Variants in ITGB5 observed in about 807,000 individuals in gnomAD.
ITGB5 encodes the protein integrin subunit beta 5, also known as integrin beta-5.
ITGB5 carries 38 observed loss-of-function variants against 84.8 expected under a neutral mutation model. The observed-to-expected ratio is 0.45, with a 90% CI of 0.35 to 0.59. The LOEUF is 0.59. ITGB5 is among the 20% of genes least tolerant of loss of function. The pLI, the probability that ITGB5 is intolerant of heterozygous loss-of-function variation, is 0.01. For synonymous variants in ITGB5, 393 were observed against 414.4 expected (o/e 0.95, Z 0.63); for missense variants, 905 against 1,034.5 (o/e 0.87, Z 1.72).
rs1442325084 is a variant in ITGB5 at position 124,762,643 on chromosome 3, C to T, written c.*980G>A. 1 of 152,186 alleles carries T rather than the reference C, an allele frequency of 6.6e-6. No homozygotes were observed. The highest frequency in any genetic ancestry group is 6.5e-5 in the Admixed American group (1 of 15,282). 9.4% of individuals were successfully genotyped at this position (152,186 alleles called of 1,614,324 possible). A position where few individuals can be genotyped will look rare whatever the true frequency, so the allele number is the denominator to read the frequency against. Reference sequence around the variant, plus strand: ...AGAGATGACTTCGTGTGGGAACCACCACTCAACCCTTGCTTGTCTGTACAA... The same window carrying T: ...AGAGATGACTTCGTGTGGGAACCACTACTCAACCCTTGCTTGTCTGTACAA... On this transcript the variant is annotated 3_prime_UTR_variant, in exon 15 of 15. Coordinates refer to ENST00000296181, the MANE Select transcript of ITGB5 (RefSeq NM_002213.5).
At position 124,764,469 on chromosome 3, in the gene ITGB5, CCA is replaced by C. The variant is rs755802996; in HGVS notation, c.2224_2225del (p.Trp742GlufsTer25). On this transcript the variant is annotated frameshift_variant, in exon 14 of 15. Transcript: ENST00000296181. LOFTEE classifies it high-confidence loss of function. ...GGTCGTGGATGGTGACAAGCAGCTTCCAGATAGCCAGGAGTGCAAGCCCAACA... is the reference window on the plus strand; with the variant it reads ...GGTCGTGGATGGTGACAAGCAGCTTCGATAGCCAGGAGTGCAAGCCCAACA... ...LLVGLALLAI[W>X]KLLVTIHDRR... 1 of 1,614,082 alleles carries C rather than the reference CCA, an allele frequency of 6.2e-7. No homozygotes were observed. Among genetic ancestry groups the C allele is most frequent in the Non-Finnish European group, 8.5e-7 (1 of 1,180,006 alleles).
chr3:124,781,694 C>G (rs702037), intron 10 of ITGB5, among the ~76,000 whole-genome samples: 117,240 of 152,124 alleles, frequency 0.77, 45,742 homozygotes, highest in African/African-American at 0.89. Flanking sequence ...GGGAGTTATG[C>G]ATTGGAGAAC....
rs115848275 is a variant in ITGB5, at chr3:124,773,423, C to T, written c.1916+267G>A. ...TTAATTTCATTTAACTCTGTGATTT[C>T]GTGATTTCTAAACGTGTTTAGGAAC... On this transcript the variant is annotated intron_variant, in intron 11 of 14. Transcript: ENST00000296181. Among the ~76,000 whole-genome samples the T allele has an allele frequency of 8.3e-3, 1,260 of 152,306 alleles. 13 individuals are homozygous for T. Among genetic ancestry groups the T allele is most frequent in the African/African-American group, 0.028 (1,164 of 41,554 alleles).
intron 1 of ITGB5, among the ~76,000 whole-genome samples, chr3:124,886,717 C>A (rs577866121): frequency 6.6e-6 from 1 of 151,896 alleles, no homozygotes; most frequent in South Asian, 2.1e-4. Flanking sequence ...TCCTCCTCAG[C>A]CCGGGAGGGA....
chr3:124,798,331 G>A (rs1468599321), intron 9 of ITGB5, among the ~76,000 whole-genome samples: 1 of 152,122 alleles, frequency 6.6e-6, no homozygotes, highest in African/African-American at 2.4e-5. Context: ...GATTACAGGT[G>A]TGAGCTACTG....
intron 2 of ITGB5, among the ~76,000 whole-genome samples, chr3:124,866,367 G>A (rs1499966): frequency 0.16 from 23,888 of 152,226 alleles, 1,964 homozygotes; most frequent in South Asian, 0.21. Flanking sequence ...CAGCATCACA[G>A]CCAGTGCATT....
At chr3:124,779,817 G>A (rs1004416236) in intron 10 of ITGB5, among the ~76,000 whole-genome samples, 2 of 152,124 alleles carry the variant, frequency 1.3e-5, no homozygotes, top group African/African-American at 4.8e-5. Context: ...GGCGGGGTGT[G>A]GGGGGAGCTT....
Position 124,817,639 on chromosome 3 carries a change from C to G in ITGB5, c.1110G>C (p.Leu370=), listed in dbSNP as rs1474010619. 1 of 1,564,010 alleles carries G rather than the reference C, an allele frequency of 6.4e-7. No individual in the cohort carries two copies. Among genetic ancestry groups the G allele is most frequent in the East Asian group, 2.3e-5 (1 of 43,728 alleles). The change falls in exon 8 of 15, where the codon CTG becomes CTC. Residue 370 remains leucine (L), a synonymous_variant. Transcript: ENST00000296181. ...GACTTACATTGTATGCATTAATAAT[C>G]AGTTGAATAATATTTTTGGAGTCTC... is the stretch of plus-strand genomic sequence containing the variant. The part of the protein sequence containing the change: ...LDGDSKNIIQ[L]IINAYNSIRS...
chr3:124,786,224 T>C (rs1171077553), intron 10 of ITGB5, among the ~76,000 whole-genome samples: 1 of 152,068 alleles, frequency 6.6e-6, no homozygotes, highest in Non-Finnish European at 1.5e-5. Context: ...ATGATCTCAA[T>C]ATAGTGAAAA....
chr3:124,821,793 C>T (rs1187445902), intron 5 of ITGB5, among the ~76,000 whole-genome samples: 2 of 152,236 alleles, frequency 1.3e-5, no homozygotes, highest in African/African-American at 4.8e-5. Flanking sequence ...CCCCTGAGAG[C>T]TGCTCCTCCT....
chr3:124,783,312 A>G (rs577591822), intron 10 of ITGB5, among the ~76,000 whole-genome samples: 1,729 of 146,776 alleles, frequency 0.012, 21 homozygotes, highest in African/African-American at 0.042. Context: ...AAAAAAAAAA[A>G]AGAGAGAGAG....
intron 5 of ITGB5, among the ~76,000 whole-genome samples, 181 bp from the exon 6 acceptor site, chr3:124,821,655 C>A (rs912658058): frequency 1.3e-5 from 2 of 152,210 alleles, no homozygotes; most frequent in African/African-American, 4.8e-5. Flanking sequence ...TCCGAAGAGA[C>A]GCAGCCTGGA....
At chr3:124,797,112 G>A (rs1433179436) in intron 9 of ITGB5, among the ~76,000 whole-genome samples, 2 of 152,186 alleles carry the variant, frequency 1.3e-5, no homozygotes, top group African/African-American at 4.8e-5. Context: ...GAAAGCTATA[G>A]GGCTTCCTTG....
At chr3:124,846,351 G>A (rs1180501838) in intron 4 of ITGB5, among the ~76,000 whole-genome samples, 1 of 151,600 alleles carries the variant, frequency 6.6e-6, no homozygotes, top group East Asian at 1.9e-4. Context: ...AAGATGGAAG[G>A]AGCTGGATCC....
chr3:124,817,191 G>T (rs1179120160), intron 8 of ITGB5, among the ~76,000 whole-genome samples: 1 of 152,202 alleles, frequency 6.6e-6, no homozygotes, highest in East Asian at 1.9e-4. Context: ...CTCAGCATGC[G>T]AACTTTTCAC....
intron 10 of ITGB5, among the ~76,000 whole-genome samples, chr3:124,780,911 G>C (rs142118258): frequency 6.6e-6 from 1 of 152,278 alleles, no homozygotes; most frequent in Non-Finnish European, 1.5e-5. Flanking sequence ...CCCAAAGTCA[G>C]ATTTCATGTG....
At position 124,821,440 on chromosome 3, in the gene ITGB5, A is replaced by G; in HGVS notation, c.815T>C (p.Leu272Ser). 1 of 1,614,264 alleles carries G rather than the reference A, an allele frequency of 6.2e-7. No homozygotes were observed. The highest frequency in any genetic ancestry group is 8.5e-7 in the Non-Finnish European group (1 of 1,180,042). Residue 272 changes from leucine (L) to serine (S), a missense_variant, in exon 6 of 15, where the codon TTG (leucine) becomes TCG (serine). Coordinates refer to ENST00000296181, the MANE Select transcript of ITGB5 (RefSeq NM_002213.5). ...KIGWRKDALH[L>S]LVFTTDDVPH... The stretch of plus-strand genomic sequence containing the variant: ...CACATCATCTGTTGTGAACACCAGC[A>G]AATGCAGTGCATCCTTTCGCCAGCC...
rs142356717 is a variant in ITGB5, at chr3:124,821,358, C to T, written c.897G>A (p.Gln299=). 64 of 1,614,094 alleles carry T rather than the reference C, an allele frequency of 4.0e-5. 1 individual carries two copies. In the Middle Eastern group the frequency reaches 8.2e-4, roughly 21 times the overall value. ...ACTCGTTGGCCTCGTTCAGGTGGCA[C>T]TGGCCATCGTGTGGCTGCACCAGGC... The part of the protein sequence containing the change: ...LGGLVQPHDG[Q]CHLNEANEYT... The change falls in exon 6 of 15, where the codon CAG becomes CAA. Residue 299 remains glutamine, a synonymous_variant. Transcript: ENST00000296181.
chr3:124,893,545 T>G (rs1935042979), intron 1 of ITGB5, among the ~76,000 whole-genome samples: 1 of 152,202 alleles, frequency 6.6e-6, no homozygotes, highest in African/African-American at 2.4e-5. Context: ...GTAATCCCTG[T>G]GCCAGCTCTC....
Sources: gnomAD v4.1 joint callset for allele counts (sites outside exome capture counted in the v4.1 genomes callset) on GRCh38, gnomAD v4.1.1 for gene constraint, MANE v1.5 for transcripts, NCBI Gene and HGNC (gene_info 2026-07-23, HGNC 2026-07-21) for gene names.